Variants in RNF150 observed in about 807,000 individuals in gnomAD.
RNF150 encodes ring finger protein 150.
Under a neutral mutation model 39.3 loss-of-function variants are expected in RNF150, and 24 were observed. That is an observed-to-expected ratio of 0.61 (90% CI 0.44 to 0.86). The LOEUF is 0.86. RNF150 is among the 40% of genes least tolerant of loss of function. The pLI is 0.00. For synonymous variants in RNF150, 255 were observed against 227.3 expected (o/e 1.12, Z -1.10); for missense variants, 502 against 587.8 (o/e 0.85, Z 1.51).
At chr4:140,969,916 A>C (rs554197623) in intron 1 of RNF150, among the ~76,000 whole-genome samples, 9 of 152,078 alleles carry the variant, frequency 5.9e-5, no homozygotes, top group Admixed American at 5.2e-4. Context: ...GGTATGCGCC[A>C]TCATGCCTTG....
intron 1 of RNF150, among the ~76,000 whole-genome samples, chr4:141,008,645 T>C (rs1053625002): frequency 6.6e-6 from 1 of 152,202 alleles, no homozygotes; most frequent in Non-Finnish European, 1.5e-5. Flanking sequence ...CTTAGCACAA[T>C]TCATTTAAAA....
intron 6 of RNF150, among the ~76,000 whole-genome samples, chr4:140,879,473 A>G (rs1291221671): frequency 1.3e-5 from 2 of 152,182 alleles, no homozygotes; most frequent in African/African-American, 4.8e-5. Flanking sequence ...TAAGTATTTT[A>G]CTTTTTTGAT....
chr4:141,190,794 A>C (rs1425194066), intron 1 of RNF150, among the ~76,000 whole-genome samples: 4 of 152,234 alleles, frequency 2.6e-5, no homozygotes, highest in Non-Finnish European at 5.9e-5. Context: ...TCCAATCTGC[A>C]CTTGGATATG....
chr4:140,975,770 C>T (rs1404624672), intron 1 of RNF150, among the ~76,000 whole-genome samples: 1 of 152,136 alleles, frequency 6.6e-6, no homozygotes, highest in African/African-American at 2.4e-5. Context: ...CAGCCCCAAG[C>T]ACCAAGAAAC....
At chr4:140,947,152 C>T (rs1457069954) in intron 4 of RNF150, among the ~76,000 whole-genome samples, 1 of 151,620 alleles carries the variant, frequency 6.6e-6, no homozygotes, top group Non-Finnish European at 1.5e-5. Flanking sequence ...TTGAGTGTCA[C>T]ATTCTCTTTC....
Position 141,132,940 on chromosome 4 carries a change from G to T in RNF150, c.-132C>A. On this transcript the variant is annotated 5_prime_UTR_variant, in exon 1 of 7. Transcript: ENST00000515673. This position sits in a 1 kb window ranked among gnomAD's most constrained non-coding sequence, Gnocchi z 4.9. ...TCACTCCCGGGCCGGAGGGGCCGCG[G>T]CCGGGACGCGCAGCCGCCGCGGGGA... is the stretch of plus-strand genomic sequence containing the variant. 1.5e-6 allele frequency: 1 copy of T among 682,168 alleles called. No individual in the cohort carries two copies. Among genetic ancestry groups the T allele is most frequent in the Non-Finnish European group, 2.3e-6 (1 of 431,046 alleles). The allele number at this position is 682,168 out of a possible 1,614,324, so 42.3% of individuals were successfully genotyped here.
intron 1 of RNF150, among the ~76,000 whole-genome samples, chr4:141,085,728 C>G (rs972348722): frequency 6.6e-6 from 1 of 152,064 alleles, no homozygotes; most frequent in Non-Finnish European, 1.5e-5. Context: ...ACAAAAGTAA[C>G]TGGAACAGAC....
At chr4:140,894,880 T>C (rs1026357531) in intron 6 of RNF150, among the ~76,000 whole-genome samples, 6 of 152,120 alleles carry the variant, frequency 3.9e-5, no homozygotes, top group Non-Finnish European at 7.4e-5. Flanking sequence ...AGTGAACAAA[T>C]CCATAAATCT....
chr4:140,994,159 G>C (rs1303723841), intron 1 of RNF150, among the ~76,000 whole-genome samples: 1 of 152,132 alleles, frequency 6.6e-6, no homozygotes, highest in Non-Finnish European at 1.5e-5. Context: ...ATAAAAACAA[G>C]AGCAGCAGAT....
At chr4:140,960,836 G>T (rs1216695842) in intron 2 of RNF150, among the ~76,000 whole-genome samples, 1 of 152,110 alleles carries the variant, frequency 6.6e-6, no homozygotes, top group Admixed American at 6.6e-5. Flanking sequence ...GTGGGGGGAA[G>T]GTGGGGAATA....
chr4:141,108,655 T>C (rs1739290260), intron 1 of RNF150, among the ~76,000 whole-genome samples: 1 of 152,236 alleles, frequency 6.6e-6, no homozygotes, highest in African/African-American at 2.4e-5. Flanking sequence ...TGTTACATCT[T>C]AAAACCAGTG....
At chr4:140,910,451 A>ATAAT (rs1006523377) in intron 6 of RNF150, among the ~76,000 whole-genome samples, 1 of 152,158 alleles carries the variant, frequency 6.6e-6, no homozygotes, top group Admixed American at 6.5e-5. Context: ...GCTAATACAC[A>ATAAT]TAATTTAATA....
intron 6 of RNF150, among the ~76,000 whole-genome samples, chr4:140,884,618 G>A (rs910494207): frequency 6.6e-6 from 1 of 152,176 alleles, no homozygotes; most frequent in African/African-American, 2.4e-5. Context: ...GTAGCAAGCT[G>A]TGGTACTGGA....
At chr4:141,155,050 G>T (rs1397456669) in intron 1 of RNF150, among the ~76,000 whole-genome samples, 1 of 151,928 alleles carries the variant, frequency 6.6e-6, no homozygotes, top group African/African-American at 2.4e-5. Context: ...ACTTAAAATT[G>T]TGAGATCTAT....
At chr4:141,100,641 G>A (rs1013279286) in intron 1 of RNF150, among the ~76,000 whole-genome samples, 6 of 152,164 alleles carry the variant, frequency 3.9e-5, no homozygotes, top group Non-Finnish European at 7.3e-5. Flanking sequence ...TATACAAAGA[G>A]GCATGCTAGG....
At chr4:140,927,078 T>C (rs1731428529) in intron 4 of RNF150, among the ~76,000 whole-genome samples, 1 of 152,148 alleles carries the variant, frequency 6.6e-6, no homozygotes, top group African/African-American at 2.4e-5. Context: ...TCATTTGCCT[T>C]GTGTTAGAGG....
chr4:141,110,780 T>A (rs768140290), intron 1 of RNF150, among the ~76,000 whole-genome samples: 6 of 152,064 alleles, frequency 3.9e-5, no homozygotes, highest in African/African-American at 7.3e-5. Flanking sequence ...TTCCATTTGT[T>A]TATCTTTTGT....
intron 1 of RNF150, among the ~76,000 whole-genome samples, chr4:141,030,605 G>C (rs950613259): frequency 1.3e-5 from 2 of 152,118 alleles, no homozygotes; most frequent in African/African-American, 2.4e-5. Flanking sequence ...ACATATAAAG[G>C]ACTATTCCAC....
In RNF150 at chr4:141,197,675, G is replaced by A. The variant is rs112227413; in HGVS notation, c.-6+15119C>T. On this transcript the variant is annotated intron_variant, in intron 1 of 7. Transcript: ENST00000420921. ...GGGCAGATCACGAGGTCAGGAGATC[G>A]AGACCATCCTGGCTAACATGGTGAA... Among the ~76,000 whole-genome samples the A allele has an allele frequency of 2.8e-3, 422 of 152,042 alleles. 2 individuals are homozygous for A. Among genetic ancestry groups the A allele is most frequent in the African/African-American group, 9.4e-3 (390 of 41,484 alleles).
Sources: gnomAD v4.1 joint callset for allele counts (sites outside exome capture counted in the v4.1 genomes callset) on GRCh38, gnomAD v4.1.1 for gene constraint, Gnocchi (gnomAD v3.1) non-coding constraint, MANE v1.5 for transcripts, NCBI Gene and HGNC (gene_info 2026-07-23, HGNC 2026-07-21) for gene names.